ITFG1: variants seen among roughly 807,000 people sequenced by gnomAD.
ITFG1 encodes the protein T-cell immunomodulatory protein.
ITFG1 carries 34 observed loss-of-function variants against 81.8 expected under a neutral mutation model. The observed-to-expected ratio is 0.42, with a 90% CI of 0.32 to 0.55. The LOEUF (loss-of-function observed/expected upper bound fraction) is 0.55. ITFG1 is among the 20% of genes least tolerant of loss of function. The pLI, the probability that ITFG1 is intolerant of heterozygous loss-of-function variation, is 0.17. For missense variants in ITFG1, 672 were observed against 755.4 expected (o/e 0.89, Z 1.29); for synonymous variants, 285 against 270.6 (o/e 1.05, Z -0.52).
At chr16:47,322,623 G>A (rs758423300) in intron 8 of ITFG1, among the ~76,000 whole-genome samples, 25 of 152,190 alleles carry the variant, frequency 1.6e-4, no homozygotes, top group Non-Finnish European at 3.4e-4. Context: ...CCAGGAGACG[G>A]AGGTTGCAGT....
chr16:47,179,278 A>T (rs948433807), intron 14 of ITFG1, among the ~76,000 whole-genome samples: 3 of 152,230 alleles, frequency 2.0e-5, no homozygotes, highest in Non-Finnish European at 4.4e-5. Flanking sequence ...ACATGCGCAC[A>T]TATGTTTATT....
intron 10 of ITFG1, among the ~76,000 whole-genome samples, chr16:47,277,521 TA>T (rs1281179816): frequency 6.6e-6 from 1 of 152,212 alleles, no homozygotes; most frequent in Non-Finnish European, 1.5e-5. Context: ...AAATTCCACA[TA>T]AGTGCATCAG....
intron 14 of ITFG1, among the ~76,000 whole-genome samples, chr16:47,182,775 C>A (rs560411972): frequency 6.6e-6 from 1 of 152,314 alleles, no homozygotes; most frequent in African/African-American, 2.4e-5. Flanking sequence ...GCCAAGATGG[C>A]CGAATAGGAA....
chr16:47,376,629 A>C (rs1209054898), intron 6 of ITFG1, among the ~76,000 whole-genome samples: 1 of 152,204 alleles, frequency 6.6e-6, no homozygotes, highest in Non-Finnish European at 1.5e-5. Flanking sequence ...TGAATATATA[A>C]GGTATTAAAA....
intron 17 of ITFG1, chr16:47,157,750 G>T (rs1255522449): frequency 1.3e-5 from 2 of 152,104 alleles, no homozygotes; most frequent in Non-Finnish European, 2.9e-5. Flanking sequence ...CAACTAATAT[G>T]TTCTTTTTCA....
chr16:47,405,472 T>C (rs1391506306), intron 6 of ITFG1, among the ~76,000 whole-genome samples: 1 of 152,158 alleles, frequency 6.6e-6, no homozygotes, highest in Non-Finnish European at 1.5e-5. Flanking sequence ...TCACAACTTC[T>C]TTCCTTCTTT....
chr16:47,305,169 A>G (rs1967137999), intron 10 of ITFG1, among the ~76,000 whole-genome samples: 1 of 152,192 alleles, frequency 6.6e-6, no homozygotes, highest in South Asian at 2.1e-4. Flanking sequence ...ATATACACTC[A>G]TATATCATTT....
intron 14 of ITFG1, among the ~76,000 whole-genome samples, chr16:47,184,873 T>G (rs1395520114): frequency 1.3e-5 from 2 of 152,140 alleles, no homozygotes; most frequent in African/African-American, 4.8e-5. Flanking sequence ...TGTGCTATAT[T>G]CAGAAAACCC....
At chr16:47,259,527 A>G (rs542064461) in intron 11 of ITFG1, among the ~76,000 whole-genome samples, 1 of 152,332 alleles carries the variant, frequency 6.6e-6, no homozygotes, top group South Asian at 2.1e-4. Flanking sequence ...TGATTGCAGG[A>G]GAAACGGGAA....
intron 12 of ITFG1, among the ~76,000 whole-genome samples, chr16:47,244,007 G>C (rs1249312604): frequency 6.6e-6 from 1 of 152,142 alleles, no homozygotes; most frequent in African/African-American, 2.4e-5. Context: ...CTCCAGCCTG[G>C]GCGATAAAGG....
intron 6 of ITFG1, among the ~76,000 whole-genome samples, chr16:47,379,312 ATCTCAG>A (rs1968365732): frequency 1.3e-5 from 2 of 152,168 alleles, no homozygotes; most frequent in Admixed American, 1.3e-4. Context: ...ATGCCCATGA[ATCTCAG>A]TCTCAAAGTC....
chr16:47,278,621 C>T (rs576576106), intron 10 of ITFG1, among the ~76,000 whole-genome samples: 1 of 152,152 alleles, frequency 6.6e-6, no homozygotes, highest in African/African-American at 2.4e-5. Context: ...ATCTGTCACA[C>T]ACAGGCTTAG....
chr16:47,398,629 T>C (rs1289984419), intron 6 of ITFG1, among the ~76,000 whole-genome samples: 1 of 152,168 alleles, frequency 6.6e-6, no homozygotes, highest in Non-Finnish European at 1.5e-5. Context: ...TCTCTAAAAA[T>C]AAATTAGACA....
At chr16:47,246,523 C>A (rs1966003806) in intron 12 of ITFG1, among the ~76,000 whole-genome samples, 1 of 152,138 alleles carries the variant, frequency 6.6e-6, no homozygotes, top group African/African-American at 2.4e-5. Flanking sequence ...ATTCTGAACT[C>A]TCTACATAAT....
intron 14 of ITFG1, among the ~76,000 whole-genome samples, chr16:47,217,447 C>T (rs1245572218): frequency 6.6e-6 from 1 of 152,132 alleles, no homozygotes; most frequent in Non-Finnish European, 1.5e-5. Context: ...GAACATCTTA[C>T]CTAGCACTGA....
At chr16:47,293,086 G>A (rs991217231) in intron 10 of ITFG1, among the ~76,000 whole-genome samples, 4 of 145,482 alleles carry the variant, frequency 2.7e-5, no homozygotes, top group Non-Finnish European at 6.0e-5. Context: ...ATATGTATGT[G>A]TATATATGTA....
Position 47,293,106 on chromosome 16 carries a change from GATATATATCATATACAAGCATGATATATA to G in ITFG1, c.1070+18105_1070+18133del, listed in dbSNP as rs757121460. Among the ~76,000 whole-genome samples, 304 of 139,248 alleles carry G rather than the reference GATATATATCATATACAAGCATGATATATA, an allele frequency of 2.2e-3. 1 individual carries two copies. Among genetic ancestry groups the G allele is most frequent in the African/African-American group, 6.6e-3 (235 of 35,852 alleles). 91.4% of individuals were successfully genotyped at this position (139,248 alleles called of 152,430 possible). A position where few individuals can be genotyped will look rare whatever the true frequency, so the allele number is the denominator to read the frequency against. Reference sequence around the variant, plus strand: ...TATGTGTATATATGTATATACATATGATATATATCATATACAAGCATGATATATAATATATATCATATACAAGCATGATA... The same window carrying G: ...TATGTGTATATATGTATATACATATGATATATATCATATACAAGCATGATA... On this transcript the variant is annotated intron_variant, in intron 10 of 17. Coordinates refer to ENST00000320640, the MANE Select transcript of ITFG1 (RefSeq NM_030790.5).
rs147142506 is a variant in ITFG1, at chr16:47,341,834, G to A, written c.802+23954C>T. On this transcript the variant is annotated intron_variant, in intron 8 of 17. Transcript: ENST00000320640. Reference sequence around the variant, plus strand: ...CAGATAACTCAGATGAAATGAACAAGTTCCTAAAAATACTGAAATTACCTA... The same window carrying A: ...CAGATAACTCAGATGAAATGAACAAATTCCTAAAAATACTGAAATTACCTA... Among the ~76,000 whole-genome samples, 3 of 152,200 alleles carry A rather than the reference G, an allele frequency of 2.0e-5. No homozygotes were observed. The East Asian group carries it at 5.8e-4, about 29-fold the overall frequency.
chr16:47,420,954 A>G (rs527334018), intron 6 of ITFG1, among the ~76,000 whole-genome samples: 1 of 152,300 alleles, frequency 6.6e-6, no homozygotes, highest in African/African-American at 2.4e-5. Flanking sequence ...TTAGATGCGT[A>G]TATATTAAGA....
Sources: gnomAD v4.1 joint callset for allele counts (sites outside exome capture counted in the v4.1 genomes callset) on GRCh38, gnomAD v4.1.1 for gene constraint, MANE v1.5 for transcripts, NCBI Gene and HGNC (gene_info 2026-07-23, HGNC 2026-07-21) for gene names.